CCDC85C: variants seen among roughly 807,000 people sequenced by gnomAD.
CCDC85C encodes coiled-coil domain containing 85C.
In CCDC85C, 18 loss-of-function variants were observed where a neutral mutation model predicts 38.3. The ratio of observed to expected loss-of-function variants is 0.47; its 90% CI spans 0.33 to 0.70. The LOEUF is 0.70. CCDC85C is among the 30% of genes least tolerant of loss of function. CCDC85C has a pLI of 0.03. For synonymous variants in CCDC85C, 264 were observed against 293.8 expected (o/e 0.90, Z 1.04); for missense variants, 566 against 621.2 (o/e 0.91, Z 0.94).
intron 1 of CCDC85C, among the ~76,000 whole-genome samples, chr14:99,599,904 C>T (rs1478583833): frequency 6.6e-6 from 1 of 152,096 alleles, no homozygotes; most frequent in Admixed American, 6.6e-5. Flanking sequence ...AAATAAGCAG[C>T]CAAGGAGAAA....
intron 1 of CCDC85C, among the ~76,000 whole-genome samples, chr14:99,584,620 GC>G (rs1799608323): frequency 6.6e-6 from 1 of 152,200 alleles, no homozygotes; most frequent in East Asian, 1.9e-4. Context: ...AATTAGGAAG[GC>G]AGAACTCAGG....
At position 99,597,262 on chromosome 14, in the gene CCDC85C, G is replaced by A. The variant is rs139933755; in HGVS notation, c.793+5905C>T. On this transcript the variant is annotated intron_variant, in intron 1 of 5. Coordinates refer to ENST00000380243, the MANE Select transcript of CCDC85C (RefSeq NM_001144995.2). The stretch of plus-strand genomic sequence containing the variant: ...AGGCAGTAAATGCTCAGTGAAGTCC[G>A]CAGACGCTTCCCTTCCTCCTGAAGA... Among the ~76,000 whole-genome samples the A allele has an allele frequency of 2.2e-3, 339 of 152,308 alleles. 3 individuals are homozygous for A. The highest frequency in any genetic ancestry group is 6.8e-3 in the Middle Eastern group (2 of 294).
At chr14:99,557,435 G>C (rs1421633208) in intron 1 of CCDC85C, among the ~76,000 whole-genome samples, 1 of 152,336 alleles carries the variant, frequency 6.6e-6, no homozygotes, top group East Asian at 1.9e-4. Context: ...ATCCTGGACA[G>C]GTGAGCTCAC....
Position 99,603,838 on chromosome 14 carries a change from TCGCCCTCGG to T in CCDC85C, c.113_121del (p.Ala38_Gly40del). On this transcript the variant is annotated inframe_deletion, in exon 1 of 6. Coordinates refer to ENST00000380243, the MANE Select transcript of CCDC85C (RefSeq NM_001144995.2). The surrounding 1 kb of genome is among the most constrained non-coding windows in gnomAD (Gnocchi z 7.5). Reference sequence around the variant, plus strand: ...GTGCTCCAGCATGAGGCCCACCTTCTCGCCCTCGGCGCGCCGCAGCCGCCGCGCCAGCTC... The same window carrying T: ...GTGCTCCAGCATGAGGCCCACCTTCTCGCGCCGCAGCCGCCGCGCCAGCTC... 1 of 1,518,936 alleles carries T rather than the reference TCGCCCTCGG, an allele frequency of 6.6e-7. No individual in the cohort carries two copies. 94.1% of individuals were successfully genotyped at this position (1,518,936 alleles called of 1,614,324 possible).
At chr14:99,523,658 C>G (rs1897332217) in intron 2 of CCDC85C, among the ~76,000 whole-genome samples, 1 of 152,184 alleles carries the variant, frequency 6.6e-6, no homozygotes, top group Non-Finnish European at 1.5e-5. Flanking sequence ...CAGGGAGGAC[C>G]TGGGTGTGGT....
intron 3 of CCDC85C, among the ~76,000 whole-genome samples, chr14:99,519,822 C>A (rs1334228551): frequency 2.6e-5 from 4 of 152,188 alleles, no homozygotes. Context: ...TCATGTGATT[C>A]CATTTATACG....
intron 1 of CCDC85C, among the ~76,000 whole-genome samples, chr14:99,583,537 T>C (rs906549357): frequency 1.4e-5 from 2 of 140,114 alleles, no homozygotes; most frequent in Admixed American, 7.2e-5. Context: ...CTGGGCACAG[T>C]GGCTCATGCC....
chr14:99,572,625 C>T lies in CCDC85C; in HGVS notation c.793+30542G>A, dbSNP rs553282369. The T allele has an allele frequency of 2.7e-4, 124 of 453,624 alleles. 2 individuals carry two copies. The highest frequency in any genetic ancestry group is 1.5e-3 in the East Asian group (21 of 14,368). 28.1% of individuals were successfully genotyped at this position (453,624 alleles called of 1,614,324 possible). On this transcript the variant is annotated intron_variant, in intron 1 of 5. Coordinates refer to ENST00000380243, the MANE Select transcript of CCDC85C (RefSeq NM_001144995.2). This position sits in a 1 kb window ranked among gnomAD's most constrained non-coding sequence, Gnocchi z 4.4. The stretch of plus-strand genomic sequence containing the variant: ...TCCTTTGCTGGAAACCTTCCAGGGA[C>T]GACAGCTGCTTATCATCCAAGCCCC...
intron 2 of CCDC85C, among the ~76,000 whole-genome samples, chr14:99,525,450 G>A (rs1897366002): frequency 6.6e-6 from 1 of 152,216 alleles, no homozygotes; most frequent in South Asian, 2.1e-4. Context: ...GAGGCTGCTT[G>A]TTTGGAAAGG....
intron 1 of CCDC85C, among the ~76,000 whole-genome samples, chr14:99,554,221 C>G (rs1182547513): frequency 2.0e-5 from 3 of 152,192 alleles, no homozygotes. Context: ...CACACGAGCT[C>G]CCCCATGGCA....
In CCDC85C at chr14:99,604,073, G is replaced by T. The variant is rs986388792; in HGVS notation, c.-114C>A. 28 of 962,220 alleles carry T rather than the reference G, an allele frequency of 2.9e-5. No homozygotes were observed. The South Asian group carries it at 3.3e-4, about 12-fold the overall frequency. 59.6% of individuals were successfully genotyped at this position (962,220 alleles called of 1,614,324 possible). A position where few individuals can be genotyped will look rare whatever the true frequency, so the allele number is the denominator to read the frequency against. On this transcript the variant is annotated 5_prime_UTR_variant, in exon 1 of 6. Coordinates refer to ENST00000380243, the MANE Select transcript of CCDC85C (RefSeq NM_001144995.2). ...GCGGGGGGCGGCCGGGGGCGCGTGC[G>T]GCCCGCCCCGCGCCGCCTGGCGCGT...
rs1350552660 is a variant in CCDC85C, at chr14:99,500,352, AT to A, written c.*14893del. 1 of 201,686 alleles carries A rather than the reference AT, an allele frequency of 5.0e-6. No individual in the cohort carries two copies. The highest frequency in any genetic ancestry group is 2.4e-5 in the African/African-American group (1 of 41,692). 12.5% of individuals were successfully genotyped at this position (201,686 alleles called of 1,614,324 possible). ...CTGAGTTTTCATGAGGCTGGCTATC[AT>A]AAACTCTTTCTTGCTTAAAATGTTT... On this transcript the variant is annotated 3_prime_UTR_variant, in exon 6 of 6. Coordinates refer to ENST00000380243, the MANE Select transcript of CCDC85C (RefSeq NM_001144995.2).
At position 99,545,337 on chromosome 14, in the gene CCDC85C, G is replaced by T. The variant is rs1437285629; in HGVS notation, c.794-9249C>A. ...TGTGGAGGGGGCAGCTGAATGGAAA[G>T]CCCCGCTCCGGCTCAGTTCATCTAG... On this transcript the variant is annotated intron_variant, in intron 1 of 5. Transcript: ENST00000380243. This position sits in a 1 kb window ranked among gnomAD's most constrained non-coding sequence, Gnocchi z 4.7. 6.6e-6 allele frequency among the ~76,000 whole-genome samples: 1 copy of T among 152,142 alleles called. No homozygotes were observed. The highest frequency in any genetic ancestry group is 1.5e-5 in the Non-Finnish European group (1 of 68,034).
At position 99,508,974 on chromosome 14, in the gene CCDC85C, A is replaced by C. The variant is rs1897044304; in HGVS notation, c.*6272T>G. The C allele has an allele frequency of 6.6e-6, 1 of 152,240 alleles. No homozygotes were observed. Among genetic ancestry groups the C allele is most frequent in the African/African-American group, 2.4e-5 (1 of 41,456 alleles). 9.4% of individuals were successfully genotyped at this position (152,240 alleles called of 1,614,324 possible). On this transcript the variant is annotated 3_prime_UTR_variant, in exon 6 of 6. Transcript: ENST00000380243. The stretch of plus-strand genomic sequence containing the variant: ...GACCTGGAGCCAAAGCCAGTTATCT[A>C]AGGCCAGGCACATATGACCTTCCTA...
In CCDC85C at chr14:99,504,451, A is replaced by AT. The variant is rs376815169; in HGVS notation, c.*10794dup. ...GGAATGATGAGTTCAGTACAGGTGA[A>AT]TTTTTTTTTTTTTTTTGAGACAGAG... On this transcript the variant is annotated 3_prime_UTR_variant, in exon 6 of 6. Coordinates refer to ENST00000380243, the MANE Select transcript of CCDC85C (RefSeq NM_001144995.2). 69,878 of 136,920 alleles carry AT rather than the reference A, an allele frequency of 0.51. 18,050 individuals carry two copies. Among genetic ancestry groups the AT allele is most frequent in the Non-Finnish European group, 0.58 (37,666 of 64,404 alleles). 8.5% of individuals were successfully genotyped at this position (136,920 alleles called of 1,614,324 possible).
rs546337406 is a variant in CCDC85C, at chr14:99,568,555, C to T, written c.794-32467G>A. ...CACTACCACAGGCAAGCCTGCATGA[C>T]GACCTGAGGACCCCGCTCAGGAAAG... On this transcript the variant is annotated intron_variant, in intron 1 of 5. Transcript: ENST00000380243. Among the ~76,000 whole-genome samples, 7 of 152,262 alleles carry T rather than the reference C, an allele frequency of 4.6e-5. No homozygotes were observed. In the South Asian group the frequency reaches 1.4e-3, roughly 32 times the overall value.
chr14:99,600,711 C>T (rs1005583586), intron 1 of CCDC85C, among the ~76,000 whole-genome samples: 3 of 69,962 alleles, frequency 4.3e-5, no homozygotes, highest in Non-Finnish European at 1.7e-4. Flanking sequence ...ATACTGCTTC[C>T]CCAGGGTTCC....
rs1466886729 is a variant in CCDC85C, at chr14:99,511,316, T to G, written c.*3930A>C. 1 of 151,976 alleles carries G rather than the reference T, an allele frequency of 6.6e-6. No individual in the cohort carries two copies. Among genetic ancestry groups the G allele is most frequent in the Non-Finnish European group, 1.5e-5 (1 of 68,030 alleles). The allele number at this position is 151,976 out of a possible 1,614,324, so 9.4% of individuals were successfully genotyped here. ...AATTATTTTGAAGGGGTTGCCTCATTGGATGGCTTTTTTTTTTTCCTCCAG... is the reference window on the plus strand; with the variant it reads ...AATTATTTTGAAGGGGTTGCCTCATGGGATGGCTTTTTTTTTTTCCTCCAG... On this transcript the variant is annotated 3_prime_UTR_variant, in exon 6 of 6. Transcript: ENST00000380243.
rs1236085684 is a variant in CCDC85C at position 99,512,705 on chromosome 14, G to GA, written c.*2540dup. On this transcript the variant is annotated 3_prime_UTR_variant, in exon 6 of 6. Coordinates refer to ENST00000380243, the MANE Select transcript of CCDC85C (RefSeq NM_001144995.2). The stretch of plus-strand genomic sequence containing the variant: ...ATCAAGAGTCAGAGCCTTTGAAATG[G>GA]AAAGGGGGCATCTGAAAGGGCACCC... 1 of 152,186 alleles carries GA rather than the reference G, an allele frequency of 6.6e-6. No homozygotes were observed. Among genetic ancestry groups the GA allele is most frequent in the East Asian group, 1.9e-4 (1 of 5,180 alleles). The allele number at this position is 152,186 out of a possible 1,614,324, so 9.4% of individuals were successfully genotyped here. A position where few individuals can be genotyped will look rare whatever the true frequency, so the allele number is the denominator to read the frequency against.
Sources: gnomAD v4.1 joint callset for allele counts (sites outside exome capture counted in the v4.1 genomes callset) on GRCh38, gnomAD v4.1.1 for gene constraint, Gnocchi (gnomAD v3.1) non-coding constraint, MANE v1.5 for transcripts, NCBI Gene and HGNC (gene_info 2026-07-23, HGNC 2026-07-21) for gene names.